TNRC6C: variants seen among roughly 807,000 people sequenced by gnomAD.
TNRC6C encodes the protein trinucleotide repeat-containing gene 6C protein.
A neutral mutation model predicts 153.7 loss-of-function variants in TNRC6C; 20 were observed. The ratio of observed to expected loss-of-function variants is 0.13; its 90% CI spans 0.09 to 0.19. The LOEUF (loss-of-function observed/expected upper bound fraction) is 0.19. TNRC6C is among the 10% of genes least tolerant of loss of function. The pLI is 1.00. For missense variants in TNRC6C, 1,987 were observed against 2,172.0 expected (o/e 0.91, Z 1.69); for synonymous variants, 811 against 841.4 (o/e 0.96, Z 0.63).
intron 2 of TNRC6C, among the ~76,000 whole-genome samples, chr17:78,048,287 CAT>C (rs1730005574): frequency 6.6e-6 from 1 of 152,126 alleles, no homozygotes; most frequent in Non-Finnish European, 1.5e-5. Context: ...AGCATTGTCT[CAT>C]ATGTCTTTTC....
chr17:78,039,060 C>T (rs772489052), intron 2 of TNRC6C, among the ~76,000 whole-genome samples: 2 of 152,208 alleles, frequency 1.3e-5, no homozygotes, highest in Non-Finnish European at 2.9e-5. Context: ...CGACTGAATG[C>T]TCTGCATTTG....
At chr17:78,012,222 A>C (rs188720263) in intron 1 of TNRC6C, among the ~76,000 whole-genome samples, 61 of 152,360 alleles carry the variant, frequency 4.0e-4, no homozygotes, top group Non-Finnish European at 3.5e-4. Context: ...ACATTTTGCT[A>C]CCTAGAGATG....
At chr17:78,023,842 G>A (rs1024061071) in intron 1 of TNRC6C, among the ~76,000 whole-genome samples, 2 of 152,052 alleles carry the variant, frequency 1.3e-5, no homozygotes, top group Non-Finnish European at 2.9e-5. Flanking sequence ...GGGCACTGTG[G>A]CTCATGCCTG....
intron 2 of TNRC6C, among the ~76,000 whole-genome samples, chr17:78,035,436 T>C (rs1307373777): frequency 6.6e-6 from 1 of 152,226 alleles, no homozygotes; most frequent in African/African-American, 2.4e-5. Flanking sequence ...TTGCTTATAG[T>C]AGGTGTTGAG....
In TNRC6C at chr17:77,993,014, G is replaced by A. The variant is rs371845324; in HGVS notation, c.-37-11156G>A. Among the ~76,000 whole-genome samples, 7 of 152,002 alleles carry A rather than the reference G, an allele frequency of 4.6e-5. No individual in the cohort carries two copies. In the South Asian group the frequency reaches 1.5e-3, roughly 32 times the overall value. On this transcript the variant is annotated intron_variant, in intron 1 of 22. Transcript: ENST00000636222. The stretch of plus-strand genomic sequence containing the variant: ...GGAGTCTCACTCTGTTGCCCAGGCT[G>A]GAGTGCAGTGGCACGAACTTGGCTC...
At chr17:78,006,824 A>T (rs867716346) in intron 1 of TNRC6C, among the ~76,000 whole-genome samples, 209 of 145,316 alleles carry the variant, frequency 1.4e-3, no homozygotes, top group Middle Eastern at 3.5e-3. Context: ...TTATTTATTT[A>T]TTTATTTTTT....
At chr17:78,050,838 G>T (rs1396373608) in exon 3 of TNRC6C, 2 of 1,613,800 alleles carry the variant, frequency 1.2e-6, no homozygotes, top group African/African-American at 2.7e-5. Context: ...ATCCAGCCTG[G>T]AGTGCAGGAG....
chr17:78,057,560 C>T (rs1278475485), intron 3 of TNRC6C, among the ~76,000 whole-genome samples: 1 of 152,220 alleles, frequency 6.6e-6, no homozygotes, highest in Non-Finnish European at 1.5e-5. Context: ...CCTGCTGGGC[C>T]GTGCTGCCCA....
chr17:78,060,844 T>C (rs1404908192), intron 3 of TNRC6C, among the ~76,000 whole-genome samples: 1 of 152,222 alleles, frequency 6.6e-6, no homozygotes, highest in Non-Finnish European at 1.5e-5. Context: ...TCTTATTTCA[T>C]AGAGGAAAGA....
At chr17:78,081,002 G>T (rs2073169618) in intron 10 of TNRC6C, among the ~76,000 whole-genome samples, 1 of 152,080 alleles carries the variant, frequency 6.6e-6, no homozygotes, top group South Asian at 2.1e-4. Context: ...CCTTAGACTG[G>T]GTCATTTACA....
upstream of TNRC6C, among the ~76,000 whole-genome samples, chr17:77,957,975 T>C (rs919691025): frequency 1.3e-5 from 2 of 152,168 alleles, no homozygotes; most frequent in African/African-American, 2.4e-5. Context: ...GGGGACTGTT[T>C]CGCAGCGAGG....
intron 2 of TNRC6C, among the ~76,000 whole-genome samples, chr17:78,036,363 T>G (rs2072178240): frequency 6.6e-6 from 1 of 152,194 alleles, no homozygotes; most frequent in African/African-American, 2.4e-5. Flanking sequence ...CATCCTTGTT[T>G]CCCCATAACT....
chr17:78,087,891 C>A (rs533247885), intron 13 of TNRC6C, among the ~76,000 whole-genome samples: 1 of 152,274 alleles, frequency 6.6e-6, no homozygotes, highest in Admixed American at 6.5e-5. Flanking sequence ...CCTGAAGACA[C>A]CAGAGGGTAT....
chr17:78,033,188 A>G (rs17639398), intron 2 of TNRC6C, among the ~76,000 whole-genome samples: 38,240 of 152,198 alleles, frequency 0.25, 5,760 homozygotes, highest in Non-Finnish European at 0.32. Context: ...ATTGGTTGAC[A>G]GTATTGCATC....
At chr17:78,041,420 C>A (rs1011694286) in intron 2 of TNRC6C, among the ~76,000 whole-genome samples, 1 of 152,120 alleles carries the variant, frequency 6.6e-6, no homozygotes. Flanking sequence ...CTCCTTTGCC[C>A]CCAGTTTCCT....
rs2073644637 is a variant in TNRC6C, at chr17:78,104,049, T to G, written c.4713-436T>G. 6.6e-6 allele frequency among the ~76,000 whole-genome samples: 1 copy of G among 152,224 alleles called. No individual in the cohort carries two copies. Among genetic ancestry groups the G allele is most frequent in the Non-Finnish European group, 1.5e-5 (1 of 68,050 alleles). On this transcript the variant is annotated intron_variant, in intron 19 of 19. Transcript: ENST00000301624. This position sits in a 1 kb window ranked among gnomAD's most constrained non-coding sequence, Gnocchi z 6.2. Reference sequence around the variant, plus strand: ...TTTTCTGCTGCTGAGTTGCTGTGTCTACTCCCTCCCTGTGACACATTCCTA... The same window carrying G: ...TTTTCTGCTGCTGAGTTGCTGTGTCGACTCCCTCCCTGTGACACATTCCTA...
At chr17:78,096,768 A>G (rs747519642) in intron 16 of TNRC6C, among the ~76,000 whole-genome samples, 9 of 152,192 alleles carry the variant, frequency 5.9e-5, no homozygotes, top group African/African-American at 1.4e-4. Flanking sequence ...GTTCACCCCA[A>G]CTGTCACCAT....
intron 9 of TNRC6C, among the ~76,000 whole-genome samples, chr17:78,078,754 C>T (rs905563279): frequency 6.6e-6 from 1 of 152,020 alleles, no homozygotes; most frequent in Non-Finnish European, 1.5e-5. Context: ...CCCCTGAGGT[C>T]AGGAGTTTGA....
chr17:78,102,613 ATGAGGCTG>A, intron 18 of TNRC6C, 69 bp downstream of exon 21: 1 of 1,483,374 alleles, frequency 6.7e-7, no homozygotes, highest in East Asian at 2.5e-5. Flanking sequence ...CCCAATGCAG[ATGAGGCTG>A]TCTGGTGGGG....
Sources: allele counts gnomAD v4.1 joint callset (sites outside exome capture counted in the v4.1 genomes callset), GRCh38; gene constraint gnomAD v4.1.1; non-coding constraint Gnocchi (gnomAD v3.1); transcripts MANE v1.5; gene names NCBI Gene and HGNC (gene_info 2026-07-23, HGNC 2026-07-21).